Variants in RPL37A observed in about 807,000 individuals in gnomAD.
The protein encoded by RPL37A is large ribosomal subunit protein eL43.
RPL37A carries 5 observed loss-of-function variants against 13.6 expected under a neutral mutation model. That is an observed-to-expected ratio of 0.37 (90% CI 0.19 to 0.78). RPL37A has a LOEUF of 0.78. Ranked by LOEUF, RPL37A falls within the 30% of genes least tolerant of loss-of-function variation. The pLI is 0.49. For synonymous variants in RPL37A, 50 were observed against 44.4 expected (o/e 1.13, Z -0.50); for missense variants, 77 against 120.0 (o/e 0.64, Z 1.67).
rs375636903 is a variant in RPL37A, at chr2:216,499,383, C to T, written c.117C>T (p.Cys39=). The change falls in exon 2 of 4, where the codon TGC becomes TGT. Residue 39 remains cysteine (C), a synonymous_variant. Transcript: ENST00000491306. ...TCAGCCAGCACGCCAAGTACACTTG[C>T]TCTTTCTGTGGCAAAGTAAGTAAGG... The part of the protein sequence containing the change: ...IEISQHAKYT[C]SFCGKTKMKR... 6 of 1,614,142 alleles carry T rather than the reference C, an allele frequency of 3.7e-6. No individual in the cohort carries two copies. Among genetic ancestry groups the T allele is most frequent in the Non-Finnish European group, 5.1e-6 (6 of 1,180,004 alleles).
Position 216,502,751 on chromosome 2 carries a change from T to C in RPL37A, c.*1347T>C, listed in dbSNP as rs1318219812. 1 of 152,262 alleles carries C rather than the reference T, an allele frequency of 6.6e-6. No individual in the cohort carries two copies. Among genetic ancestry groups the C allele is most frequent in the Non-Finnish European group, 1.5e-5 (1 of 68,042 alleles). The allele number at this position is 152,262 out of a possible 1,614,324, so 9.4% of individuals were successfully genotyped here. On this transcript the variant is annotated 3_prime_UTR_variant, in exon 4 of 4. Coordinates refer to ENST00000491306, the MANE Select transcript of RPL37A (RefSeq NM_000998.5). ...TCGATAAGAATGTGGATTTACTTCA[T>C]CTTTAGGACAGAGTAAAAACCTTTA...
At chr2:216,500,156 T>A in intron 3 of RPL37A, 125 bp downstream of exon 3, 4 of 711,840 alleles carry the variant, frequency 5.6e-6, no homozygotes, top group Non-Finnish European at 7.5e-6. Flanking sequence ...GCCTTTGTAT[T>A]TTCAGGATTC....
chr2:216,502,387 T>C lies in RPL37A; in HGVS notation c.*983T>C, dbSNP rs954922764. ...TATACATATACTGCCTCTTCTATGA[T>C]GTTTCATTTGACCTACACCATCAGC... On this transcript the variant is annotated 3_prime_UTR_variant, in exon 4 of 4. Transcript: ENST00000491306. 2.0e-5 allele frequency: 3 copies of C among 152,166 alleles called. No homozygotes were observed. The highest frequency in any genetic ancestry group is 4.4e-5 in the Non-Finnish European group (3 of 68,008). 9.4% of individuals were successfully genotyped at this position (152,166 alleles called of 1,614,324 possible).
intron 2 of RPL37A, 83 bp from the exon 3 acceptor site, chr2:216,499,866 G>A: frequency 3.4e-6 from 4 of 1,184,382 alleles, no homozygotes; most frequent in Non-Finnish European, 5.0e-6. Context: ...CTGACAATAA[G>A]GTGAATCCAA....
chr2:216,501,192 A>G (rs1386879560), intron 3 of RPL37A, 149 bp from the exon 4 acceptor site: 2 of 581,742 alleles, frequency 3.4e-6, no homozygotes, highest in Admixed American at 6.0e-5. Context: ...GACTGCAGCA[A>G]AGTATTGGTA....
chr2:216,500,368 T>C (rs949873996), intron 3 of RPL37A: 10 of 330,608 alleles, frequency 3.0e-5, no homozygotes, highest in African/African-American at 2.1e-4. Context: ...TTGATAAAAA[T>C]AGGTGAAGGG....
chr2:216,499,674 T>C, intron 2 of RPL37A: 1 of 635,104 alleles, frequency 1.6e-6, no homozygotes, highest in East Asian at 2.8e-5. Context: ...GGGAAATGAT[T>C]CCATCAGTTT....
intron 3 of RPL37A, chr2:216,500,509 A>G (rs1695581404): frequency 5.5e-6 from 1 of 182,156 alleles, no homozygotes; most frequent in South Asian, 1.2e-4. Context: ...GGGCGATACT[A>G]CAAACACTAT....
In RPL37A at chr2:216,502,269, G is replaced by C. The variant is rs1317302831; in HGVS notation, c.*865G>C. 1 of 152,198 alleles carries C rather than the reference G, an allele frequency of 6.6e-6. No individual in the cohort carries two copies. Among genetic ancestry groups the C allele is most frequent in the African/African-American group, 2.4e-5 (1 of 41,458 alleles). 9.4% of individuals were successfully genotyped at this position (152,198 alleles called of 1,614,324 possible). On this transcript the variant is annotated 3_prime_UTR_variant, in exon 4 of 4. Coordinates refer to ENST00000491306, the MANE Select transcript of RPL37A (RefSeq NM_000998.5). ...TTGAACCTACGAGGCGGAGGTTGCA[G>C]TGGGCCAGGATCGTGCCACTGCACT... is the stretch of plus-strand genomic sequence containing the variant.
At chr2:216,498,918 T>C (rs1413606930) in intron 1 of RPL37A, 41 bp downstream of exon 1, 1 of 1,613,446 alleles carries the variant, frequency 6.2e-7, no homozygotes, top group South Asian at 1.1e-5. Context: ...TCTATCTGCC[T>C]GCATCTGTCC....
intron 2 of RPL37A, 37 bp downstream of exon 2, chr2:216,499,435 G>A: frequency 1.2e-6 from 2 of 1,609,262 alleles, no homozygotes; most frequent in Non-Finnish European, 1.7e-6. Flanking sequence ...AGGAGAGGGA[G>A]GGCAGGTTTC....
chr2:216,499,290 C>A lies in RPL37A; in HGVS notation c.24C>A (p.Val8=). The part of the protein sequence containing the change: MAKRTKK[V]GIVGKYGTRY... ...AACAGGCCAAACGTACCAAGAAAGT[C>A]GGGATCGTCGGTAAATACGGGACCC... Residue 8 remains valine (V), a synonymous_variant, in exon 2 of 4, where the codon GTC becomes GTA. Transcript: ENST00000491306. The A allele has an allele frequency of 3.1e-6, 5 of 1,613,166 alleles. No homozygotes were observed. Among genetic ancestry groups the A allele is most frequent in the Non-Finnish European group, 3.4e-6 (4 of 1,179,942 alleles).
intron 3 of RPL37A, 122 bp from the exon 4 acceptor site, chr2:216,501,219 T>G (rs2106110582): frequency 1.4e-6 from 1 of 699,728 alleles, no homozygotes; most frequent in Non-Finnish European, 2.5e-6. Context: ...TCTATCTCAG[T>G]ATAATTCTTT....
rs1344614839 is a variant in RPL37A at position 216,502,049 on chromosome 2, G to A, written c.*645G>A. On this transcript the variant is annotated 3_prime_UTR_variant, in exon 4 of 4. Coordinates refer to ENST00000491306, the MANE Select transcript of RPL37A (RefSeq NM_000998.5). ...AATATTTTTATAATGTGTCTAGGCT[G>A]GGTGCGGTGACTCACGCCTGAAATC... 6.6e-6 allele frequency: 1 copy of A among 152,146 alleles called. No homozygotes were observed. Among genetic ancestry groups the A allele is most frequent in the East Asian group, 1.9e-4 (1 of 5,146 alleles). The allele number at this position is 152,146 out of a possible 1,614,324, so 9.4% of individuals were successfully genotyped here. A position where few individuals can be genotyped will look rare whatever the true frequency, so the allele number is the denominator to read the frequency against.
intron 2 of RPL37A, chr2:216,499,663 T>C: frequency 1.6e-6 from 1 of 629,810 alleles, no homozygotes; most frequent in Middle Eastern, 3.6e-4. Flanking sequence ...ACCTGCTTTG[T>C]GGGAAATGAT....
chr2:216,499,484 C>T, intron 2 of RPL37A, 86 bp downstream of exon 2: 1 of 1,499,504 alleles, frequency 6.7e-7, no homozygotes, highest in Non-Finnish European at 9.0e-7. Context: ...ATTTTATAAG[C>T]CGTGTGCTGG....
At position 216,502,005 on chromosome 2, in the gene RPL37A, C is replaced by T. The variant is rs1369456484; in HGVS notation, c.*601C>T. ...TGCTGGGATTACAGGTGTGAGCCAC[C>T]ACGCCCAGCCTTGCATTTAATATTT... is the stretch of plus-strand genomic sequence containing the variant. On this transcript the variant is annotated 3_prime_UTR_variant, in exon 4 of 4. Transcript: ENST00000491306. 6.6e-6 allele frequency: 1 copy of T among 152,190 alleles called. No homozygotes were observed. Among genetic ancestry groups the T allele is most frequent in the Non-Finnish European group, 1.5e-5 (1 of 68,086 alleles). The allele number at this position is 152,190 out of a possible 1,614,324, so 9.4% of individuals were successfully genotyped here. A position where few individuals can be genotyped will look rare whatever the true frequency, so the allele number is the denominator to read the frequency against.
intron 2 of RPL37A, 107 bp downstream of exon 2, chr2:216,499,505 G>A: frequency 7.8e-7 from 1 of 1,289,532 alleles, no homozygotes; most frequent in Non-Finnish European, 1.1e-6. Context: ...TGGGCAGTTG[G>A]AATTACTCAT....
chr2:216,499,413 G>A lies in RPL37A; in HGVS notation c.132+15G>A, dbSNP rs1695557315. The A allele has an allele frequency of 6.2e-7, 1 of 1,613,706 alleles. No individual in the cohort carries two copies. The highest frequency in any genetic ancestry group is 1.3e-5 in the African/African-American group (1 of 74,942). On this transcript the variant is annotated intron_variant, in intron 2 of 3. Coordinates refer to ENST00000491306, the MANE Select transcript of RPL37A (RefSeq NM_000998.5). Reference sequence around the variant, plus strand: ...TCTGTGGCAAAGTAAGTAAGGCAAAGTCTCTGGTGAGAGGAGAGGGAGGGC... The same window carrying A: ...TCTGTGGCAAAGTAAGTAAGGCAAAATCTCTGGTGAGAGGAGAGGGAGGGC...
Sources: allele counts gnomAD v4.1 joint callset, GRCh38; gene constraint gnomAD v4.1.1; transcripts MANE v1.5; gene names NCBI Gene and HGNC (gene_info 2026-07-23, HGNC 2026-07-21).